The following TMEM63C variants were observed in gnomAD, a reference collection of about 807,000 sequenced individuals.
TMEM63C encodes the protein transmembrane protein 63C, also known as osmosensitive cation channel TMEM63C.
In TMEM63C, 32 loss-of-function variants were observed where a neutral mutation model predicts 99.2. The ratio of observed to expected loss-of-function variants is 0.32; its 90% CI spans 0.24 to 0.43. The LOEUF (loss-of-function observed/expected upper bound fraction) is 0.43. Among genes scored for constraint, TMEM63C ranks in the 20% least tolerant of loss-of-function variants. TMEM63C has a pLI of 1.00. For missense variants in TMEM63C, 826 were observed against 1,053.0 expected, an observed-to-expected ratio of 0.78 and a Z score of 2.98; for synonymous variants, 376 against 397.9, an observed-to-expected ratio of 0.94 and a Z score of 0.66.
intron 3 of TMEM63C, 105 bp downstream of exon 3, chr14:77,219,068 A>C: frequency 1.6e-6 from 2 of 1,260,780 alleles, no homozygotes; most frequent in Non-Finnish European, 2.1e-6. Flanking sequence ...GACAACAACA[A>C]CATTGATACA....
intron 5 of TMEM63C, among the ~76,000 whole-genome samples, chr14:77,220,647 C>T (rs454362): frequency 0.69 from 105,460 of 151,988 alleles, 38,072 homozygotes; most frequent in Admixed American, 0.79. Context: ...TGCCTCATGG[C>T]GCTGTCTTCC....
In TMEM63C at chr14:77,242,342, T is replaced by C; in HGVS notation, c.1065-5T>C. 6.4e-7 allele frequency: 1 copy of C among 1,566,068 alleles called. No individual in the cohort carries two copies. Among genetic ancestry groups the C allele is most frequent in the Non-Finnish European group, 8.7e-7 (1 of 1,146,432 alleles). On this transcript the variant is annotated splice_polypyrimidine_tract_variant and splice_region_variant and intron_variant, in intron 13 of 23. Coordinates refer to ENST00000298351, the MANE Select transcript of TMEM63C (RefSeq NM_020431.4). ...ACATTTCTTCCTCTTCTCCCCTCTC[T>C]GCAGTGTCCGTAAGGATTACAAGTA...
Position 77,192,857 on chromosome 14 carries a change from GAGA to G in TMEM63C, c.-77+10971_-77+10973del, listed in dbSNP as rs545431727. Reference sequence around the variant, plus strand: ...GAAGAAGAAGAGGAGGAGGAGGAAGGAGAAGAAGAACAACAACAACAGGAGGAA... The same window carrying G: ...GAAGAAGAAGAGGAGGAGGAGGAAGGAGAAGAACAACAACAACAGGAGGAA... On this transcript the variant is annotated intron_variant, in intron 1 of 23. Transcript: ENST00000298351. 1.1e-3 allele frequency among the ~76,000 whole-genome samples: 173 copies of G among 151,510 alleles called. 1 individual carries two copies. Among genetic ancestry groups the G allele is most frequent in the African/African-American group, 4.0e-3 (164 of 41,138 alleles).
At chr14:77,194,553 C>CTTTTTCTTTCTT (rs56115104) in intron 1 of TMEM63C, among the ~76,000 whole-genome samples, 7 of 125,036 alleles carry the variant, frequency 5.6e-5, no homozygotes, top group South Asian at 2.7e-4. Context: ...TTCTTTCTTT[C>CTTTTTCTTTCTT]TCTTTCTTTC....
At chr14:77,236,380 T>TG (rs376077802) in intron 8 of TMEM63C, among the ~76,000 whole-genome samples, 528 of 9,250 alleles carry the variant, frequency 0.057, 145 homozygotes, top group South Asian at 0.17. Flanking sequence ...GGCAGACTGG[T>TG]GGGGGGGTAT....
chr14:77,219,960 A>C (rs2287377), intron 4 of TMEM63C, 46 bp from the exon 5 acceptor site: 1,320,858 of 1,536,230 alleles, frequency 0.86, 568,484 homozygotes, highest in South Asian at 0.91. Context: ...GCAGCTGAGA[A>C]CTTTTCTCTC....
intron 6 of TMEM63C, among the ~76,000 whole-genome samples, chr14:77,228,052 C>G (rs1318776036): frequency 6.6e-6 from 1 of 151,808 alleles, no homozygotes; most frequent in African/African-American, 2.4e-5. Flanking sequence ...GAGGAGGATG[C>G]CGAAGATGAG....
intron 8 of TMEM63C, among the ~76,000 whole-genome samples, chr14:77,234,428 T>C (rs1889000396): frequency 6.6e-6 from 1 of 152,214 alleles, no homozygotes; most frequent in Non-Finnish European, 1.5e-5. Flanking sequence ...CCGAGGCCCA[T>C]TGCTGGCCCG....
At chr14:77,186,630 G>T (rs1399524133) in intron 1 of TMEM63C, among the ~76,000 whole-genome samples, 6 of 152,166 alleles carry the variant, frequency 3.9e-5, no homozygotes, top group Admixed American at 1.3e-4. Context: ...GGTTTAGTCT[G>T]CAGTGAGCTG....
chr14:77,221,470 C>T (rs377745391), intron 5 of TMEM63C, among the ~76,000 whole-genome samples: 1 of 67,496 alleles, frequency 1.5e-5, no homozygotes, highest in East Asian at 4.5e-4. Context: ...CTCCCACTCA[C>T]GCCTCCCATT....
intron 4 of TMEM63C, 78 bp from the exon 5 acceptor site, chr14:77,219,928 G>C: frequency 7.4e-7 from 1 of 1,358,216 alleles, no homozygotes. Context: ...CTCAGCCAGG[G>C]AGTGGGGAGG....
intron 1 of TMEM63C, among the ~76,000 whole-genome samples, chr14:77,184,797 T>C (rs1392757979): frequency 6.6e-6 from 1 of 152,180 alleles, no homozygotes; most frequent in Non-Finnish European, 1.5e-5. Flanking sequence ...GTGCAACTCC[T>C]GCAAGGTAGG....
intron 1 of TMEM63C, among the ~76,000 whole-genome samples, chr14:77,211,522 G>A (rs562917650): frequency 2.6e-5 from 4 of 152,156 alleles, no homozygotes; most frequent in Non-Finnish European, 5.9e-5. Flanking sequence ...CTAACTCTGG[G>A]GTCATCCCTG....
At chr14:77,244,476 C>T (rs371320268) in intron 16 of TMEM63C, 21 bp downstream of exon 16, 14 of 1,591,754 alleles carry the variant, frequency 8.8e-6, no homozygotes, top group South Asian at 2.2e-5. Flanking sequence ...GGCCTCCTCT[C>T]GTAGCCCTGT....
chr14:77,239,384 G>C (rs201226070), intron 10 of TMEM63C, 28 bp from the exon 11 acceptor site: 1 of 1,612,250 alleles, frequency 6.2e-7, no homozygotes, highest in Non-Finnish European at 8.5e-7. Context: ...CCCACAGGCC[G>C]ACTCAGCACC....
At position 77,231,589 on chromosome 14, in the gene TMEM63C, G is replaced by T. The variant is rs1235736131; in HGVS notation, c.352G>T (p.Asp118Tyr). 1 of 1,551,614 alleles carries T rather than the reference G, an allele frequency of 6.4e-7. No individual in the cohort carries two copies. The highest frequency in any genetic ancestry group is 2.0e-5 in the Admixed American group (1 of 51,000). Residue 118 changes from aspartate (D) to tyrosine (Y), a missense_variant and splice_region_variant, in exon 7 of 24, where the codon GAC becomes TAC. Asp to Tyr is a radical substitution (Grantham distance 160). Transcript: ENST00000298351. ...TCCTTGTCTGTGTGTCTCTTCCAGG[G>T]ACGAGGATCTGATTAACAAGTGTGG... ...SWFFNSITMK[D>Y]EDLINKCGDD...
intron 1 of TMEM63C, among the ~76,000 whole-genome samples, chr14:77,186,271 C>G (rs747575136): frequency 6.6e-6 from 1 of 152,148 alleles, no homozygotes; most frequent in Non-Finnish European, 1.5e-5. Context: ...TCTCAGCCTC[C>G]CAAAGTGCTG....
At chr14:77,233,318 T>A (rs1888977656) in intron 7 of TMEM63C, 134 bp from the exon 8 acceptor site, 1 of 877,070 alleles carries the variant, frequency 1.1e-6, no homozygotes, top group Admixed American at 2.2e-5. Context: ...GGAGAAGCTC[T>A]GGGGAACCAG....
chr14:77,253,418 T>C, intron 23 of TMEM63C, 42 bp downstream of exon 23: 1 of 1,553,140 alleles, frequency 6.4e-7, no homozygotes, highest in Non-Finnish European at 8.8e-7. Context: ...GGGTGGTGCT[T>C]GCAGGGATGG....
Sources: gnomAD v4.1 joint callset for allele counts (sites outside exome capture counted in the v4.1 genomes callset) on GRCh38, gnomAD v4.1.1 for gene constraint, MANE v1.5 for transcripts, NCBI Gene and HGNC (gene_info 2026-07-23, HGNC 2026-07-21) for gene names.